Variants in AK4 observed in about 807,000 individuals in gnomAD.
AK4 encodes adenylate kinase 4, mitochondrial.
In AK4, 13 loss-of-function variants were observed where a neutral mutation model predicts 24.6. The observed-to-expected ratio is 0.53, with a 90% CI of 0.34 to 0.84. The LOEUF is 0.84. Among genes scored for constraint, AK4 ranks in the 40% least tolerant of loss-of-function variants. The pLI is 0.01. For missense variants in AK4, 192 were observed against 288.2 expected, an observed-to-expected ratio of 0.67 and a Z score of 2.42; for synonymous variants, 88 against 107.0, an observed-to-expected ratio of 0.82 and a Z score of 1.10.
At chr1:65,156,733 C>T (rs1032289123) in intron 1 of AK4, among the ~76,000 whole-genome samples, 3 of 151,582 alleles carry the variant, frequency 2.0e-5, no homozygotes, top group South Asian at 2.1e-4. Context: ...ACCAGCCTGA[C>T]GAACATGGTG....
chr1:65,219,064 C>A, intron 3 of AK4, 138 bp downstream of exon 3: 1 of 555,892 alleles, frequency 1.8e-6, no homozygotes, highest in Non-Finnish European at 2.9e-6. Context: ...TTTAAATGTT[C>A]AAATGTAGTT....
chr1:65,210,697 A>G (rs549484431), intron 2 of AK4, among the ~76,000 whole-genome samples: 5 of 151,832 alleles, frequency 3.3e-5, no homozygotes, highest in African/African-American at 1.2e-4. Flanking sequence ...TTTATCCTTC[A>G]TATCTTTCTT....
chr1:65,181,524 C>G (rs1383483530), intron 1 of AK4, among the ~76,000 whole-genome samples: 7 of 151,860 alleles, frequency 4.6e-5, no homozygotes, highest in Non-Finnish European at 8.8e-5. Context: ...GTAGCTGGGA[C>G]TACAGGCATG....
At chr1:65,178,730 C>G (rs571246644) in intron 1 of AK4, among the ~76,000 whole-genome samples, 65 of 152,238 alleles carry the variant, frequency 4.3e-4, no homozygotes, top group Middle Eastern at 6.8e-3. Flanking sequence ...GGGTGTCCAC[C>G]TCTGTCTTCT....
chr1:65,172,556 G>A (rs1350122552), intron 1 of AK4, among the ~76,000 whole-genome samples: 1 of 152,146 alleles, frequency 6.6e-6, no homozygotes, highest in African/African-American at 2.4e-5. Context: ...CTTGGGTATA[G>A]AATAAGCTTA....
chr1:65,152,838 A>G (rs1251188672), intron 1 of AK4, among the ~76,000 whole-genome samples: 1 of 152,166 alleles, frequency 6.6e-6, no homozygotes, highest in African/African-American at 2.4e-5. Context: ...GTGCTCATTA[A>G]GTATAAATGT....
intron 1 of AK4, among the ~76,000 whole-genome samples, chr1:65,151,754 T>C (rs1649778300): frequency 1.3e-5 from 2 of 152,188 alleles, no homozygotes; most frequent in African/African-American, 4.8e-5. Flanking sequence ...AGCTCTGATT[T>C]ATGGTAAAAG....
intron 2 of AK4, among the ~76,000 whole-genome samples, chr1:65,217,675 T>C (rs1012859125): frequency 2.0e-5 from 3 of 152,166 alleles, no homozygotes; most frequent in Admixed American, 6.5e-5. Flanking sequence ...TTTGGGGTCA[T>C]ATGACCTAAC....
chr1:65,162,788 A>G (rs138848267), intron 1 of AK4, among the ~76,000 whole-genome samples: 1 of 152,088 alleles, frequency 6.6e-6, no homozygotes, highest in African/African-American at 2.4e-5. Context: ...GAAACCCTAT[A>G]CCCATTAGCA....
intron 1 of AK4, among the ~76,000 whole-genome samples, chr1:65,152,360 C>CTCTCTCTCTCTATATATATATATA (rs1277948363): frequency 3.6e-5 from 1 of 27,940 alleles, no homozygotes; most frequent in Non-Finnish European, 6.9e-5. Flanking sequence ...CTCTCTCTCT[C>CTCTCTCTCTCTATATATATATATA]TATATATATA....
chr1:65,188,320 G>T (rs914432600), intron 1 of AK4, among the ~76,000 whole-genome samples: 2 of 151,878 alleles, frequency 1.3e-5, no homozygotes, highest in Admixed American at 6.6e-5. Flanking sequence ...GCTTGAACCC[G>T]GGAGGCAGAG....
At chr1:65,198,639 A>G (rs1651561948) in intron 2 of AK4, among the ~76,000 whole-genome samples, 1 of 152,092 alleles carries the variant, frequency 6.6e-6, no homozygotes, top group South Asian at 2.1e-4. Context: ...AAGGAGTGGC[A>G]TTTTTGGTCA....
At chr1:65,202,108 A>G (rs534331987) in intron 2 of AK4, among the ~76,000 whole-genome samples, 1 of 152,284 alleles carries the variant, frequency 6.6e-6, no homozygotes, top group East Asian at 1.9e-4. Context: ...TTAAAAATTA[A>G]CTGGATTGGC....
rs564440190 is a variant in AK4 at position 65,157,057 on chromosome 1, A to G, written c.145+8505A>G. 2.0e-5 allele frequency among the ~76,000 whole-genome samples: 3 copies of G among 152,332 alleles called. No individual in the cohort carries two copies. The South Asian group carries it at 6.2e-4, about 32-fold the overall frequency. ...TTCCAAAATGAAATCTAATGAGAAA[A>G]GTACTGTTATTTTTGCACATTTGCA... On this transcript the variant is annotated intron_variant, in intron 1 of 4. Coordinates refer to ENST00000327299, the MANE Select transcript of AK4 (RefSeq NM_013410.4).
intron 1 of AK4, among the ~76,000 whole-genome samples, chr1:65,163,772 G>C (rs1650246051): frequency 1.3e-5 from 2 of 152,138 alleles, no homozygotes; most frequent in African/African-American, 4.8e-5. Flanking sequence ...ATCTCCTTGA[G>C]CATTCAAGGA....
At chr1:65,148,095 C>T (rs1053314402), upstream of AK4, 24 of 358,742 alleles carry the variant, frequency 6.7e-5, no homozygotes, top group African/African-American at 4.9e-4. Flanking sequence ...CCCTGGAGGC[C>T]GAGTCGGCAG....
intron 1 of AK4, 45 bp downstream of exon 1, chr1:65,148,597 C>G (rs1022187416): frequency 6.4e-7 from 1 of 1,553,872 alleles, no homozygotes; most frequent in African/African-American, 1.4e-5. Context: ...CCGCGTTGGG[C>G]TGGGGTGAGG....
chr1:65,193,751 A>G (rs1651382259), intron 2 of AK4, among the ~76,000 whole-genome samples: 1 of 152,190 alleles, frequency 6.6e-6, no homozygotes, highest in South Asian at 2.1e-4. Flanking sequence ...CATCCTGCAA[A>G]TACTGTATGC....
chr1:65,168,384 G>A (rs1650402959), intron 1 of AK4, among the ~76,000 whole-genome samples: 1 of 152,124 alleles, frequency 6.6e-6, no homozygotes. Context: ...GACCTCAGGT[G>A]ATTTACCCGC....
Sources: allele counts gnomAD v4.1 joint callset (sites outside exome capture counted in the v4.1 genomes callset), GRCh38; gene constraint gnomAD v4.1.1; transcripts MANE v1.5; gene names NCBI Gene and HGNC (gene_info 2026-07-23, HGNC 2026-07-21).